Variants in CIZ1 observed in about 807,000 individuals in gnomAD.
CIZ1 encodes CDKN1A interacting zinc finger protein 1.
In CIZ1, 58 loss-of-function variants were observed where a neutral mutation model predicts 118.6. That is an observed-to-expected ratio of 0.49 (90% CI 0.40 to 0.61). The LOEUF (loss-of-function observed/expected upper bound fraction) is 0.61, where lower values mean the gene tolerates loss of function less well. Ranked by LOEUF, CIZ1 falls within the 20% of genes least tolerant of loss-of-function variation. The pLI is 0.00. For missense variants in CIZ1, 921 were observed against 1,115.9 expected (o/e 0.83, Z 2.49); for synonymous variants, 448 against 443.4 (o/e 1.01, Z -0.13).
intron 1 of CIZ1, chr9:128,198,105 C>A (rs45499694): frequency 6.6e-6 from 1 of 152,412 alleles, no homozygotes; most frequent in East Asian, 1.9e-4. Context: ...GGCACAGACG[C>A]CTGGACTGCC....
At chr9:128,193,677 T>G (rs1833304450), upstream of CIZ1, among the ~76,000 whole-genome samples, 1 of 151,926 alleles carries the variant, frequency 6.6e-6, no homozygotes, top group African/African-American at 2.4e-5. Flanking sequence ...ATCACTGCAT[T>G]CCAGCCTGGG....
chr9:128,186,223 C>G (rs1364071484), intron 4 of CIZ1, among the ~76,000 whole-genome samples: 1 of 152,062 alleles, frequency 6.6e-6, no homozygotes, highest in African/African-American at 2.4e-5. Flanking sequence ...CTCACACTGC[C>G]TCAGTCCCTC....
intron 11 of CIZ1, among the ~76,000 whole-genome samples, chr9:128,172,548 T>C (rs1351512213): frequency 6.6e-6 from 1 of 152,118 alleles, no homozygotes; most frequent in Admixed American, 6.6e-5. Flanking sequence ...CTCTATAAAA[T>C]ATGCAAATAC....
chr9:128,191,770 C>T (rs535718764), upstream of CIZ1: 77 of 1,413,668 alleles, frequency 5.4e-5, no homozygotes, highest in Admixed American at 1.6e-4. The surrounding 1 kb of genome is among the most constrained non-coding windows in gnomAD (Gnocchi z 5.5). Context: ...AGGGGAGGCT[C>T]GGAGACCAAG....
At chr9:128,173,961 G>C (rs45555033) in intron 11 of CIZ1, among the ~76,000 whole-genome samples, 3 of 151,760 alleles carry the variant, frequency 2.0e-5, no homozygotes, top group South Asian at 2.1e-4. Flanking sequence ...AGCCGAGATC[G>C]CGCCACTGCA....
Position 128,191,470 on chromosome 9 carries a change from C to G in CIZ1, c.-44G>C, listed in dbSNP as rs1833140094. The G allele has an allele frequency of 3.0e-6, 3 of 988,614 alleles. No individual in the cohort carries two copies. The highest frequency in any genetic ancestry group is 3.6e-6 in the Non-Finnish European group (3 of 830,484). The allele number at this position is 988,614 out of a possible 1,614,324, so 61.2% of individuals were successfully genotyped here. A position where few individuals can be genotyped will look rare whatever the true frequency, so the allele number is the denominator to read the frequency against. On this transcript the variant is annotated 5_prime_UTR_variant, in exon 1 of 17. Coordinates refer to ENST00000372938, the MANE Select transcript of CIZ1 (RefSeq NM_001131016.2). This position sits in a 1 kb window ranked among gnomAD's most constrained non-coding sequence, Gnocchi z 5.5. ...GCGCCCTCAACGCTCAAGTCGCCCC[C>G]ACGGATGGGCCGGCCCCGCAGCCCC... is the stretch of plus-strand genomic sequence containing the variant.
chr9:128,167,149 T>C lies in CIZ1; in HGVS notation c.2311A>G (p.Ile771Val). 1.3e-6 allele frequency: 2 copies of C among 1,597,818 alleles called. No individual in the cohort carries two copies. Among genetic ancestry groups the C allele is most frequent in the Non-Finnish European group, 1.7e-6 (2 of 1,172,098 alleles). The change falls in exon 15 of 17, where the codon ATA (isoleucine) becomes GTA (valine). Residue 771 changes from isoleucine (I) to valine (V), a missense_variant. Coordinates refer to ENST00000372938, the MANE Select transcript of CIZ1 (RefSeq NM_001131016.2). ...ELCKQVRSRD[I>V]SREEWKGSET... ...GAGCCCTTCCACTCCTCTCTGGATATATCTCTGGACCTCACCTGAAAACAT... is the reference window on the plus strand; with the variant it reads ...GAGCCCTTCCACTCCTCTCTGGATACATCTCTGGACCTCACCTGAAAACAT...
intron 4 of CIZ1, among the ~76,000 whole-genome samples, chr9:128,187,428 A>G (rs1588237764): frequency 1.3e-5 from 2 of 152,364 alleles, no homozygotes; most frequent in East Asian, 3.8e-4. Flanking sequence ...CAGACTCTAC[A>G]GTGCAAGCTC....
At chr9:128,199,721 AAAAAAC>A (rs1379639403) in intron 1 of CIZ1, among the ~76,000 whole-genome samples, 1 of 152,094 alleles carries the variant, frequency 6.6e-6, no homozygotes, top group South Asian at 2.1e-4. Flanking sequence ...AAAACAAACA[AAAAAAC>A]AAAAACAAAA....
In CIZ1 at chr9:128,177,648, G is replaced by C; in HGVS notation, c.1736C>G (p.Thr579Ser). Residue 579 changes from threonine (T) to serine (S), a missense_variant, in exon 10 of 17, where the codon ACC (threonine) becomes AGC (serine). By Grantham distance (58) the Thr-to-Ser change is moderately conservative. Coordinates refer to ENST00000372938, the MANE Select transcript of CIZ1 (RefSeq NM_001131016.2). ...VPRPSDSVSS[T>S]PAATSTPSKQ... ...AGAGGGAGTGCTGGTAGCCGCAGGG[G>C]TGGAGGAGACGGAGTCACTGGGGCG... 1 of 1,590,742 alleles carries C rather than the reference G, an allele frequency of 6.3e-7. No individual in the cohort carries two copies.
Position 128,177,680 on chromosome 9 carries a change from A to G in CIZ1, c.1704T>C (p.Pro568=). 2 of 1,604,904 alleles carry G rather than the reference A, an allele frequency of 1.2e-6. No individual in the cohort carries two copies. Among genetic ancestry groups the G allele is most frequent in the Non-Finnish European group, 1.7e-6 (2 of 1,175,830 alleles). ...AGACGGAGTCACTGGGGCGGGGGAC[A>G]GGTGTCAGGGGTACAGTGCTAAAGG... ...SRAFSTVPLT[P]VPRPSDSVSS... Residue 568 remains proline, a synonymous_variant, in exon 10 of 17, where the codon CCT becomes CCC. Transcript: ENST00000372938.
Position 128,191,141 on chromosome 9 carries a change from T to C in CIZ1, c.-5-279A>G, listed in dbSNP as rs1257269735. 9.7e-6 allele frequency: 5 copies of C among 513,474 alleles called. No homozygotes were observed. The allele number at this position is 513,474 out of a possible 1,614,324, so 31.8% of individuals were successfully genotyped here. ...TCAAGTCCCTCCATCTCTCCATTTC[T>C]GGCGGCTCCATCCTCCCACCCTCAG... On this transcript the variant is annotated intron_variant, in intron 1 of 16. Coordinates refer to ENST00000372938, the MANE Select transcript of CIZ1 (RefSeq NM_001131016.2). This position sits in a 1 kb window ranked among gnomAD's most constrained non-coding sequence, Gnocchi z 5.5.
Position 128,190,786 on chromosome 9 carries a change from C to T in CIZ1, c.72G>A (p.Gln24=). 6.5e-7 allele frequency: 1 copy of T among 1,535,680 alleles called. No individual in the cohort carries two copies. Among genetic ancestry groups the T allele is most frequent in the Non-Finnish European group, 8.8e-7 (1 of 1,138,842 alleles). ...GCTGCTGCAATTGCTGCTGCTGGAG[C>T]TGCTGCTGCTGTAACTGCTGGAGCT... ...QQQLQQLQQQ[Q]LQQQQLQQQQ... The change falls in exon 2 of 17, where the codon CAG becomes CAA. Residue 24 remains glutamine, a synonymous_variant. Transcript: ENST00000372938.
Position 128,177,625 on chromosome 9 carries a change from A to G in CIZ1, c.1759T>C (p.Ser587Pro). The G allele has an allele frequency of 6.4e-7, 1 of 1,570,018 alleles. No homozygotes were observed. Among genetic ancestry groups the G allele is most frequent in the Non-Finnish European group, 8.6e-7 (1 of 1,157,620 alleles). Residue 587 changes from serine to proline, a missense_variant, in exon 10 of 17, where the codon TCT (serine) becomes CCT (proline). Ser to Pro is a moderately conservative substitution (Grantham distance 74). Transcript: ENST00000372938. ...CAGAAGAACTGGAGGGCCTGCTTAG[A>G]GGGAGTGCTGGTAGCCGCAGGGGTG... is the stretch of plus-strand genomic sequence containing the variant. ...SSTPAATSTP[S>P]KQALQFFCYI... is the part of the protein sequence containing the mutation.
chr9:128,167,123 C>G lies in CIZ1; in HGVS notation c.2337G>C (p.Ser779=). 1 of 1,602,778 alleles carries G rather than the reference C, an allele frequency of 6.2e-7. No individual in the cohort carries two copies. The highest frequency in any genetic ancestry group is 8.5e-7 in the Non-Finnish European group (1 of 1,174,468). The change falls in exon 15 of 17, where the codon TCG becomes TCC. Residue 779 remains serine (S), a synonymous_variant. Transcript: ENST00000372938. ...RDISREEWKG[S]ETYSPNTAYG... is the part of the protein sequence containing the mutation. ...ATGCAGTATTGGGGCTGTAGGTCTC[C>G]GAGCCCTTCCACTCCTCTCTGGATA...
At chr9:128,188,068 C>CAAAAAAAAAAAAAAAAAA (rs1832637734) in intron 3 of CIZ1, 134 bp from the exon 4 acceptor site, 1 of 115,308 alleles carries the variant, frequency 8.7e-6, no homozygotes, top group Non-Finnish European at 1.5e-5. Flanking sequence ...AAAAAAAACC[C>CAAAAAAAAAAAAAAAAAA]AAAACAAAAC....
At chr9:128,191,992 T>C, upstream of CIZ1, 1 of 1,236,834 alleles carries the variant, frequency 8.1e-7, no homozygotes, top group Non-Finnish European at 1.0e-6. The surrounding 1 kb of genome is among the most constrained non-coding windows in gnomAD (Gnocchi z 5.5). Context: ...TTACAGTCCG[T>C]CAGGAGTTTG....
chr9:128,193,725 A>T (rs913392662), upstream of CIZ1, among the ~76,000 whole-genome samples: 2 of 152,064 alleles, frequency 1.3e-5, no homozygotes, highest in Non-Finnish European at 2.9e-5. Flanking sequence ...ATAAAAATCA[A>T]AGACTGCCCA....
Position 128,203,639 on chromosome 9 carries a change from C to T in CIZ1, c.-6+547G>A, listed in dbSNP as rs931414082. ...CGAGAATTTCGTAGGCAGGTAGGCG[C>T]GGCGCGCCCCCAGGCGCCGACCCCC... On this transcript the variant is annotated intron_variant, in intron 1 of 17. Transcript: ENST00000372948. This position sits in a 1 kb window ranked among gnomAD's most constrained non-coding sequence, Gnocchi z 5.3. 3 of 1,518,330 alleles carry T rather than the reference C, an allele frequency of 2.0e-6. No homozygotes were observed. Among genetic ancestry groups the T allele is most frequent in the Middle Eastern group, 2.3e-4 (1 of 4,356 alleles). 94.1% of individuals were successfully genotyped at this position (1,518,330 alleles called of 1,614,324 possible).
Sources: allele counts gnomAD v4.1 joint callset (sites outside exome capture counted in the v4.1 genomes callset), GRCh38; gene constraint gnomAD v4.1.1; non-coding constraint Gnocchi (gnomAD v3.1); transcripts MANE v1.5; gene names NCBI Gene and HGNC (gene_info 2026-07-23, HGNC 2026-07-21).